The following NDRG3 variants were observed in gnomAD, a reference collection of about 807,000 sequenced individuals.
NDRG3 encodes protein NDRG3.
In NDRG3, 23 loss-of-function variants were observed where a neutral mutation model predicts 57.2. The ratio of observed to expected loss-of-function variants is 0.40; its 90% CI spans 0.29 to 0.57. The LOEUF (loss-of-function observed/expected upper bound fraction) is 0.57. NDRG3 is among the 20% of genes least tolerant of loss of function. The probability of loss-of-function intolerance (pLI) is 0.42; values close to 1 mark genes in which losing one functional copy is unlikely to be tolerated. For missense variants in NDRG3, 384 were observed against 457.3 expected (o/e 0.84, Z 1.46); for synonymous variants, 132 against 162.6 (o/e 0.81, Z 1.43).
At chr20:36,656,298 A>T in intron 15 of NDRG3, 62 bp downstream of exon 15, 1 of 1,531,938 alleles carries the variant, frequency 6.5e-7, no homozygotes, top group Non-Finnish European at 9.0e-7. Flanking sequence ...GGGCTCCCAG[A>T]TGTGAAACTG....
intron 1 of NDRG3, among the ~76,000 whole-genome samples, chr20:36,739,144 A>T (rs1176302100): frequency 2.2e-5 from 3 of 133,540 alleles, no homozygotes; most frequent in African/African-American, 5.6e-5. Flanking sequence ...CAAAAAAAAA[A>T]AAAAAAAAAA....
intron 3 of NDRG3, among the ~76,000 whole-genome samples, chr20:36,703,119 G>A (rs1415200643): frequency 2.6e-5 from 4 of 151,946 alleles, no homozygotes; most frequent in African/African-American, 4.8e-5. Flanking sequence ...TTCTAAATTT[G>A]TTTCTGATTA....
At chr20:36,676,150 G>A (rs1980683868) in intron 8 of NDRG3, among the ~76,000 whole-genome samples, 1 of 152,056 alleles carries the variant, frequency 6.6e-6, no homozygotes, top group East Asian at 1.9e-4. Context: ...TGAGGTGGGA[G>A]AATGGCGTGA....
At chr20:36,660,942 C>T (rs1352559715) in intron 12 of NDRG3, among the ~76,000 whole-genome samples, 1 of 152,224 alleles carries the variant, frequency 6.6e-6, no homozygotes, top group Admixed American at 6.5e-5. Context: ...GAATCTGTTA[C>T]GTGTCTTTAA....
At chr20:36,697,956 CT>C (rs1226266912) in intron 3 of NDRG3, among the ~76,000 whole-genome samples, 1 of 139,024 alleles carries the variant, frequency 7.2e-6, no homozygotes, top group African/African-American at 2.6e-5. Context: ...GAGTTTTTTT[CT>C]TTTTTCTTTT....
intron 15 of NDRG3, among the ~76,000 whole-genome samples, chr20:36,654,647 C>G (rs898781807): frequency 3.3e-5 from 5 of 152,192 alleles, no homozygotes; most frequent in African/African-American, 1.2e-4. Flanking sequence ...TCCTGGGGGA[C>G]CAGGGCTGGA....
At chr20:36,733,069 C>A in intron 1 of NDRG3, among the ~76,000 whole-genome samples, 1 of 147,010 alleles carries the variant, frequency 6.8e-6, no homozygotes, top group Non-Finnish European at 1.5e-5. Context: ...ACTGCTTGAG[C>A]CCAGAAGGTG....
chr20:36,675,952 G>T (rs1980654473), intron 8 of NDRG3, among the ~76,000 whole-genome samples: 1 of 152,142 alleles, frequency 6.6e-6, no homozygotes, highest in South Asian at 2.1e-4. Flanking sequence ...TTTAAAATGA[G>T]ATTAACGGCT....
chr20:36,671,367 T>C lies in NDRG3; in HGVS notation c.562A>G (p.Ile188Val), dbSNP rs369613870. Residue 188 changes from isoleucine to valine, a missense_variant, in exon 9 of 16, where the codon ATT becomes GTT. Physicochemically the swap from Ile to Val is conservative, Grantham distance 29. Transcript: ENST00000349004. ...LSGLTTNVVDIILAHHFGQEE... is the reference protein window; with the variant it reads ...LSGLTTNVVDVILAHHFGQEE... ...TGCCCAAAGTGATGAGCCAAAATAA[T>C]GTCCACAACATTGGTTGTCAGGCCA... 1 of 1,613,842 alleles carries C rather than the reference T, an allele frequency of 6.2e-7. No individual in the cohort carries two copies. Among genetic ancestry groups the C allele is most frequent in the African/African-American group, 1.3e-5 (1 of 74,914 alleles).
chr20:36,738,250 C>A (rs561637230), intron 1 of NDRG3, among the ~76,000 whole-genome samples: 1 of 151,952 alleles, frequency 6.6e-6, no homozygotes, highest in African/African-American at 2.4e-5. Context: ...GACTTAAAAG[C>A]AACACTTTCT....
At position 36,665,742 on chromosome 20, in the gene NDRG3, G is replaced by A. The variant is rs541156057; in HGVS notation, c.693-441C>T. ...GCCTCCCAAGTAGCTGAGATTACAGGCGCCCGCCACTACACCCGGCTAATT... is the reference window on the plus strand; with the variant it reads ...GCCTCCCAAGTAGCTGAGATTACAGACGCCCGCCACTACACCCGGCTAATT... On this transcript the variant is annotated intron_variant, in intron 10 of 15. Transcript: ENST00000349004. 6.0e-3 allele frequency among the ~76,000 whole-genome samples: 909 copies of A among 152,000 alleles called. 7 individuals are homozygous for A. Among genetic ancestry groups the A allele is most frequent in the African/African-American group, 0.02 (825 of 41,486 alleles).
intron 2 of NDRG3, among the ~76,000 whole-genome samples, chr20:36,718,938 C>T (rs1383609174): frequency 6.6e-6 from 1 of 152,126 alleles, no homozygotes; most frequent in Non-Finnish European, 1.5e-5. Context: ...GCATCAGCCT[C>T]CCAAAGTGCT....
intron 5 of NDRG3, among the ~76,000 whole-genome samples, chr20:36,685,279 T>C (rs979100683): frequency 1.3e-5 from 2 of 151,552 alleles, no homozygotes; most frequent in Non-Finnish European, 2.9e-5. Context: ...AATAACATAG[T>C]TATTTTTAAA....
At chr20:36,660,681 C>A (rs1018550239) in intron 12 of NDRG3, among the ~76,000 whole-genome samples, 7 of 151,812 alleles carry the variant, frequency 4.6e-5, no homozygotes, top group Non-Finnish European at 7.4e-5. Flanking sequence ...CTGCCTCAGC[C>A]TCCCGAGTAG....
At chr20:36,701,618 G>C (rs981966251) in intron 3 of NDRG3, among the ~76,000 whole-genome samples, 2 of 146,570 alleles carry the variant, frequency 1.4e-5, no homozygotes, top group Admixed American at 1.4e-4. Context: ...TGCGATCTCA[G>C]CCCACCACAA....
chr20:36,731,438 G>T (rs1985277431), intron 1 of NDRG3, among the ~76,000 whole-genome samples: 1 of 152,132 alleles, frequency 6.6e-6, no homozygotes. Flanking sequence ...AAAGTCAGTG[G>T]TGTTAAAATC....
chr20:36,651,914 T>C lies in NDRG3; in HGVS notation c.*1606A>G, dbSNP rs762011272. 6.6e-6 allele frequency: 1 copy of C among 152,222 alleles called. No homozygotes were observed. The highest frequency in any genetic ancestry group is 1.5e-5 in the Non-Finnish European group (1 of 68,038). 9.4% of individuals were successfully genotyped at this position (152,222 alleles called of 1,614,324 possible). ...GATTTGGAACTGTGTAACCCTGAGC[T>C]TACATCTCAATGCTCCCAAGAGCTG... On this transcript the variant is annotated 3_prime_UTR_variant, in exon 16 of 16. Coordinates refer to ENST00000349004, the MANE Select transcript of NDRG3 (RefSeq NM_032013.4).
At chr20:36,719,150 C>T (rs752429927) in intron 2 of NDRG3, among the ~76,000 whole-genome samples, 3 of 151,980 alleles carry the variant, frequency 2.0e-5, no homozygotes, top group Non-Finnish European at 4.4e-5. Flanking sequence ...GTGCAGTGGC[C>T]GGGCGTGGAA....
intron 1 of NDRG3, among the ~76,000 whole-genome samples, chr20:36,723,501 G>A (rs1311921183): frequency 6.6e-6 from 1 of 152,030 alleles, no homozygotes; most frequent in Non-Finnish European, 1.5e-5. Flanking sequence ...AGTACCCATT[G>A]CACTATGGAA....
Sources: gnomAD v4.1 joint callset for allele counts (sites outside exome capture counted in the v4.1 genomes callset) on GRCh38, gnomAD v4.1.1 for gene constraint, MANE v1.5 for transcripts, NCBI Gene and HGNC (gene_info 2026-07-23, HGNC 2026-07-21) for gene names.